Variants in AUTS2 observed in about 807,000 individuals in gnomAD.
The protein encoded by AUTS2 is activator of transcription and developmental regulator AUTS2.
A neutral mutation model predicts 112.4 loss-of-function variants in AUTS2; 17 were observed. That is an observed-to-expected ratio of 0.15 (90% CI 0.10 to 0.23). The LOEUF (loss-of-function observed/expected upper bound fraction) is 0.23. Among genes scored for constraint, AUTS2 ranks in the 10% least tolerant of loss-of-function variants. The probability of loss-of-function intolerance (pLI) is 1.00; values close to 1 mark genes in which losing one functional copy is unlikely to be tolerated. For synonymous variants in AUTS2, 751 were observed against 702.7 expected (o/e 1.07, Z -1.09); for missense variants, 1,510 against 1,701.6 (o/e 0.89, Z 1.98).
chr7:69,982,062 A>AT (rs1454642875), intron 2 of AUTS2, among the ~76,000 whole-genome samples: 10 of 152,210 alleles, frequency 6.6e-5, no homozygotes, highest in African/African-American at 2.4e-4. Context: ...ACAGAAAGCA[A>AT]TTTTAGGAAT....
chr7:69,887,409 T>G (rs555697280), intron 1 of AUTS2, among the ~76,000 whole-genome samples: 9 of 127,914 alleles, frequency 7.0e-5, no homozygotes, highest in South Asian at 2.4e-4. Context: ...GAGCAAGACT[T>G]CATCAAAAAA....
intron 5 of AUTS2, among the ~76,000 whole-genome samples, chr7:70,671,623 G>A (rs900959524): frequency 1.3e-5 from 2 of 152,144 alleles, no homozygotes; most frequent in African/African-American, 4.8e-5. Flanking sequence ...AGGCACCACA[G>A]TTTCCTCCTA....
intron 4 of AUTS2, among the ~76,000 whole-genome samples, chr7:70,356,212 A>G (rs1429633906): frequency 6.6e-6 from 1 of 152,168 alleles, no homozygotes; most frequent in African/African-American, 2.4e-5. Context: ...TTCCTGCTTC[A>G]GTCTCTGTGA....
intron 4 of AUTS2, among the ~76,000 whole-genome samples, chr7:70,205,493 A>G (rs1462239564): frequency 1.3e-5 from 2 of 152,164 alleles, no homozygotes; most frequent in Non-Finnish European, 2.9e-5. Context: ...TTTTTACAGT[A>G]CTTTTCTGTA....
intron 4 of AUTS2, among the ~76,000 whole-genome samples, chr7:70,155,606 T>C (rs1807706637): frequency 6.6e-6 from 1 of 152,132 alleles, no homozygotes; most frequent in Non-Finnish European, 1.5e-5. Context: ...ATCCTTATCT[T>C]TACTAGAAAT....
intron 5 of AUTS2, among the ~76,000 whole-genome samples, chr7:70,632,541 C>T (rs1585408781): frequency 6.6e-6 from 1 of 151,864 alleles, no homozygotes. Context: ...CAGATGCCCC[C>T]CGTTGAGCCA....
intron 1 of AUTS2, among the ~76,000 whole-genome samples, chr7:69,670,880 C>T (rs183881956): frequency 2.0e-5 from 3 of 152,106 alleles, no homozygotes; most frequent in Admixed American, 2.0e-4. Flanking sequence ...AAAAAAGCAT[C>T]GTTTTAGGGT....
intron 5 of AUTS2, among the ~76,000 whole-genome samples, chr7:70,485,845 C>T (rs1797972567): frequency 6.6e-6 from 1 of 152,020 alleles, no homozygotes; most frequent in South Asian, 2.1e-4. Flanking sequence ...GATCGCCATG[C>T]AGGGTGCAGC....
At chr7:69,852,295 A>C (rs1211768533) in intron 1 of AUTS2, among the ~76,000 whole-genome samples, 1 of 151,862 alleles carries the variant, frequency 6.6e-6, no homozygotes, top group African/African-American at 2.4e-5. Flanking sequence ...CTTTTTATAT[A>C]TTGCTAAATT....
chr7:70,507,410 T>G (rs911772722), intron 5 of AUTS2, among the ~76,000 whole-genome samples: 1 of 152,024 alleles, frequency 6.6e-6, no homozygotes, highest in East Asian at 1.9e-4. Context: ...ATACCATATC[T>G]GAGGTGCAGA....
chr7:69,724,356 G>GT (rs1403355845), intron 1 of AUTS2, among the ~76,000 whole-genome samples: 1 of 152,130 alleles, frequency 6.6e-6, no homozygotes, highest in African/African-American at 2.4e-5. Flanking sequence ...CTTTAATTTT[G>GT]TTTTTTGTTA....
At chr7:70,329,227 A>G (rs978994353) in intron 4 of AUTS2, among the ~76,000 whole-genome samples, 12 of 152,220 alleles carry the variant, frequency 7.9e-5, no homozygotes, top group African/African-American at 2.9e-4. Context: ...TGTGAACAGT[A>G]CTGCCATGAA....
At chr7:69,931,225 A>G (rs1423674560) in intron 2 of AUTS2, among the ~76,000 whole-genome samples, 2 of 152,170 alleles carry the variant, frequency 1.3e-5, no homozygotes, top group Non-Finnish European at 2.9e-5. Flanking sequence ...ACATCTCCAG[A>G]ACCTCATACC....
chr7:70,071,158 C>T (rs1802749070), intron 2 of AUTS2, among the ~76,000 whole-genome samples: 1 of 152,160 alleles, frequency 6.6e-6, no homozygotes, highest in Non-Finnish European at 1.5e-5. Flanking sequence ...TGCTCAGAAA[C>T]ACTACTTTAG....
rs111442652 is a variant in AUTS2 at position 70,214,957 on chromosome 7, C to G, written c.660+80386C>G. Among the ~76,000 whole-genome samples the G allele has an allele frequency of 3.7e-4, 56 of 152,282 alleles. 2 individuals carry two copies. The highest frequency in any genetic ancestry group is 1.3e-3 in the African/African-American group (52 of 41,564). ...AGATGATATCCAGAAGTTTCCAAGA[C>G]TGCAAGCTCAGGGGTTTATGGACCA... is the stretch of plus-strand genomic sequence containing the variant. On this transcript the variant is annotated intron_variant, in intron 4 of 18. Transcript: ENST00000342771.
intron 6 of AUTS2, among the ~76,000 whole-genome samples, chr7:70,745,093 C>G (rs192229609): frequency 6.6e-6 from 1 of 152,076 alleles, no homozygotes; most frequent in East Asian, 1.9e-4. Flanking sequence ...TGAGAAAAGT[C>G]CTTATTATAC....
chr7:69,777,784 A>G (rs1345286159), intron 1 of AUTS2, among the ~76,000 whole-genome samples: 1 of 152,168 alleles, frequency 6.6e-6, no homozygotes, highest in African/African-American at 2.4e-5. Flanking sequence ...ACACTCTATG[A>G]AATGAAAAGC....
At chr7:69,863,537 G>A (rs1251925060) in intron 1 of AUTS2, among the ~76,000 whole-genome samples, 1 of 152,076 alleles carries the variant, frequency 6.6e-6, no homozygotes, top group Non-Finnish European at 1.5e-5. Context: ...ATTTTTCTTA[G>A]GCAGTATTGT....
At chr7:70,758,734 C>G (rs1209936461) in intron 6 of AUTS2, among the ~76,000 whole-genome samples, 1 of 152,164 alleles carries the variant, frequency 6.6e-6, no homozygotes, top group Non-Finnish European at 1.5e-5. Context: ...TTGGCAAATT[C>G]AGAGTATGCA....
Sources: allele counts gnomAD v4.1 joint callset (sites outside exome capture counted in the v4.1 genomes callset), GRCh38; gene constraint gnomAD v4.1.1; transcripts MANE v1.5; gene names NCBI Gene and HGNC (gene_info 2026-07-23, HGNC 2026-07-21).